Variants in APOH observed in about 807,000 individuals in gnomAD.
APOH encodes beta-2-glycoprotein 1.
In APOH, 48 loss-of-function variants were observed where a neutral mutation model predicts 39.8. That is an observed-to-expected ratio of 1.21 (90% CI 0.96 to 1.54). The LOEUF (loss-of-function observed/expected upper bound fraction) is 1.54. APOH is among the 40% of genes most tolerant of loss of function. The pLI is 0.00. For synonymous variants in APOH, 153 were observed against 151.1 expected, an observed-to-expected ratio of 1.01 and a Z score of -0.09; for missense variants, 415 against 421.2, an observed-to-expected ratio of 0.99 and a Z score of 0.13.
rs775417167 is a variant in APOH at position 66,212,139 on chromosome 17, T to C, written c.1032A>G (p.Pro344=). 2.2e-5 allele frequency: 36 copies of C among 1,613,572 alleles called. No homozygotes were observed. Among genetic ancestry groups the C allele is most frequent in the Middle Eastern group, 1.6e-4 (1 of 6,078 alleles). Residue 344 remains proline (P), a synonymous_variant, in exon 8 of 8, where the codon CCA becomes CCG. Coordinates refer to ENST00000205948, the MANE Select transcript of APOH (RefSeq NM_000042.3). ...FWKTDASDVK[P]C Reference sequence around the variant, plus strand: ...GTGGAATCTGAAAACCACCTTAGCATGGCTTTACATCGGATGCATCAGTTT... The same window carrying C: ...GTGGAATCTGAAAACCACCTTAGCACGGCTTTACATCGGATGCATCAGTTT...
chr17:66,223,149 C>G (rs552302304), intron 4 of APOH, among the ~76,000 whole-genome samples: 11 of 152,166 alleles, frequency 7.2e-5, no homozygotes, highest in African/African-American at 2.7e-4. Context: ...CTTTCCTCCT[C>G]GTCTGTCCCG....
At chr17:66,219,879 C>A (rs2073386909) in intron 5 of APOH, among the ~76,000 whole-genome samples, 1 of 152,034 alleles carries the variant, frequency 6.6e-6, no homozygotes, top group Non-Finnish European at 1.5e-5. Context: ...CACTGCACTC[C>A]AGCCTGAGTG....
At chr17:66,229,232 C>T in intron 1 of APOH, 84 bp downstream of exon 1, 8 of 1,142,084 alleles carry the variant, frequency 7.0e-6, no homozygotes, top group African/African-American at 1.5e-5. Flanking sequence ...CAAGCACGCC[C>T]GGCCTACTTA....
At chr17:66,215,011 A>C (rs2073356233) in intron 6 of APOH, among the ~76,000 whole-genome samples, 1 of 152,022 alleles carries the variant, frequency 6.6e-6, no homozygotes. Context: ...AAGCAGGTGC[A>C]TCTATCCACC....
intron 4 of APOH, among the ~76,000 whole-genome samples, chr17:66,222,634 C>T (rs894855385): frequency 1.6e-5 from 2 of 126,864 alleles, no homozygotes; most frequent in African/African-American, 3.1e-5. Context: ...TGCAATGGTG[C>T]GATCTCAGCT....
intron 7 of APOH, among the ~76,000 whole-genome samples, chr17:66,213,265 C>T (rs1231678107): frequency 1.3e-5 from 2 of 152,228 alleles, no homozygotes; most frequent in East Asian, 3.9e-4. Context: ...AGAGACATTT[C>T]AACCCTAAAT....
chr17:66,218,315 A>AT (rs202025524), intron 5 of APOH, among the ~76,000 whole-genome samples: 25,751 of 147,718 alleles, frequency 0.17, 2,743 homozygotes, highest in Non-Finnish European at 0.26. Context: ...GACAGAATGT[A>AT]TTTTTTTTTT....
At chr17:66,225,252 T>C (rs548720089) in intron 3 of APOH, among the ~76,000 whole-genome samples, 1 of 152,242 alleles carries the variant, frequency 6.6e-6, no homozygotes, top group Admixed American at 6.5e-5. Context: ...CAATGTGCTC[T>C]CAATAATGTC....
In APOH at chr17:66,229,411, G is replaced by T. The variant is rs8178822; in HGVS notation, c.-32C>A. The T allele has an allele frequency of 0.065, 104,711 of 1,602,734 alleles. 3,551 individuals are homozygous for T. Among genetic ancestry groups the T allele is most frequent in the African/African-American group, 0.074 (5,504 of 74,662 alleles). ...TGAGTCACACTGGCACTACCAAAGT[G>T]GTTTTCGTCTGCTAAAAAGACAGAG... On this transcript the variant is annotated 5_prime_UTR_variant, in exon 1 of 8. Transcript: ENST00000205948.
At position 66,229,343 on chromosome 17, in the gene APOH, G is replaced by C; in HGVS notation, c.37C>G (p.Leu13Val). ...SPVLILFSSF[L>V]CHVAIAGRTC... The stretch of plus-strand genomic sequence containing the variant: ...CGTCCTGCAATAGCAACATGGCAGA[G>C]AAAACTCGAGAACAAGATGAGCACT... The change falls in exon 1 of 8, where the codon CTC becomes GTC. Residue 13 changes from leucine (L) to valine (V), a missense_variant. This residue lies in a region of APOH where 288 missense variants were observed against 284.9 expected (regional missense o/e 1.01). Transcript: ENST00000205948. 6.2e-7 allele frequency: 1 copy of C among 1,613,928 alleles called. No individual in the cohort carries two copies. Among genetic ancestry groups the C allele is most frequent in the Non-Finnish European group, 8.5e-7 (1 of 1,179,874 alleles).
In APOH at chr17:66,216,825, G is replaced by C. The variant is rs770556567; in HGVS notation, c.747C>G (p.Thr249=). Residue 249 remains threonine (T), a synonymous_variant, in exon 6 of 8, where the codon ACC becomes ACG. Coordinates refer to ENST00000205948, the MANE Select transcript of APOH (RefSeq NM_000042.3). ...GCATGGCAGACCAGTTTCCCAGTTT[G>C]GTACATTCTATTTCTTCCGGGCCAT... is the stretch of plus-strand genomic sequence containing the variant. ...SLDGPEEIEC[T]KLGNWSAMPS... 41 of 1,608,398 alleles carry C rather than the reference G, an allele frequency of 2.5e-5. No homozygotes were observed. The highest frequency in any genetic ancestry group is 3.4e-5 in the Non-Finnish European group (40 of 1,177,796).
At chr17:66,224,640 AGGGAAGG>A (rs1567741574) in intron 3 of APOH, among the ~76,000 whole-genome samples, 348 of 20,474 alleles carry the variant, frequency 0.017, 24 homozygotes, top group African/African-American at 0.068. Flanking sequence ...AAGGAAGAGA[AGGGAAGG>A]GAAGGGAAGG....
chr17:66,215,669 G>A (rs1486789467), intron 6 of APOH, among the ~76,000 whole-genome samples: 1 of 152,130 alleles, frequency 6.6e-6, no homozygotes, highest in Non-Finnish European at 1.5e-5. Context: ...CTAGGCTGTT[G>A]TTGTTCTTTA....
chr17:66,222,711 A>G (rs962773622), intron 4 of APOH, among the ~76,000 whole-genome samples: 3 of 151,458 alleles, frequency 2.0e-5, no homozygotes, highest in African/African-American at 7.3e-5. Context: ...GGCTGGGATT[A>G]GAGGCATGCG....
intron 6 of APOH, among the ~76,000 whole-genome samples, chr17:66,214,859 C>T (rs2073355322): frequency 6.6e-6 from 1 of 151,384 alleles, no homozygotes; most frequent in Non-Finnish European, 1.5e-5. Flanking sequence ...TCCAAGATGG[C>T]CTTCTCTTCC....
chr17:66,226,615 C>A (rs1340337644), intron 2 of APOH, among the ~76,000 whole-genome samples: 2 of 105,760 alleles, frequency 1.9e-5, no homozygotes, highest in African/African-American at 8.9e-5. Flanking sequence ...AGTGAGACTC[C>A]GTCTCCAAAA....
intron 3 of APOH, among the ~76,000 whole-genome samples, chr17:66,224,681 GGGAAGGGAAGGGAAA>G (rs1567741770): frequency 3.6e-4 from 11 of 30,444 alleles, no homozygotes; most frequent in East Asian, 3.6e-3. Context: ...GGGAAGGGAA[GGGAAGGGAAGGGAAA>G]GGAAAGGAAA....
At chr17:66,220,886 G>A in intron 4 of APOH, 144 bp from the exon 5 acceptor site, 1 of 870,618 alleles carries the variant, frequency 1.1e-6, no homozygotes. Flanking sequence ...TGTCAATTGT[G>A]GATGCCTAAT....
In APOH at chr17:66,214,606, C is replaced by T; in HGVS notation, c.829G>A (p.Gly277Arg). 1 of 1,613,948 alleles carries T rather than the reference C, an allele frequency of 6.2e-7. No homozygotes were observed. Among genetic ancestry groups the T allele is most frequent in the Non-Finnish European group, 8.5e-7 (1 of 1,179,928 alleles). The change falls in exon 7 of 8, where the codon GGA becomes AGA. Residue 277 changes from glycine to arginine, a missense_variant. By Grantham distance (125) the Gly-to-Arg change is moderately radical (BLOSUM62 -2). Transcript: ENST00000205948. ...TTTTCCTGAATCTTTACTCTCTCTC[C>T]TTGGTACACCACAGTGGCTTTTTTC... The part of the protein sequence containing the change: ...PVKKATVVYQ[G>R]ERVKIQEKFK...
Sources: gnomAD v4.1 joint callset for allele counts (sites outside exome capture counted in the v4.1 genomes callset) on GRCh38, gnomAD v4.1.1 for gene constraint, gnomAD v4.1.1 regional missense constraint, MANE v1.5 for transcripts, NCBI Gene and HGNC (gene_info 2026-07-23, HGNC 2026-07-21) for gene names.